RSRC1: variants seen among roughly 807,000 people sequenced by gnomAD.
The protein encoded by RSRC1 is arginine and serine rich coiled-coil 1.
Under a neutral mutation model 49.1 loss-of-function variants are expected in RSRC1, and 39 were observed. The ratio of observed to expected loss-of-function variants is 0.79; its 90% CI spans 0.61 to 1.04. The LOEUF is 1.04. Ranked by LOEUF, RSRC1 falls within the 50% of genes least tolerant of loss-of-function variation. The probability of loss-of-function intolerance (pLI) is 0.00; values close to 1 mark genes in which losing one functional copy is unlikely to be tolerated. For synonymous variants in RSRC1, 143 were observed against 130.8 expected (o/e 1.09, Z -0.63); for missense variants, 388 against 402.4 (o/e 0.96, Z 0.31).
At chr3:158,414,489 A>G (rs1361388533) in intron 6 of RSRC1, among the ~76,000 whole-genome samples, 1 of 152,074 alleles carries the variant, frequency 6.6e-6, no homozygotes, top group African/African-American at 2.4e-5. Flanking sequence ...CAGCAAACCC[A>G]CTGTGGCACA....
intron 4 of RSRC1, among the ~76,000 whole-genome samples, chr3:158,247,929 G>C (rs1322706442): frequency 6.6e-6 from 1 of 152,130 alleles, no homozygotes; most frequent in Admixed American, 6.5e-5. Context: ...AATCAGTACT[G>C]TTACACAAAC....
chr3:158,496,740 G>T, intron 7 of RSRC1: 1 of 290,540 alleles, frequency 3.4e-6, no homozygotes, highest in Non-Finnish European at 7.2e-6. Context: ...TCATGTTGGT[G>T]GTGGCCCTTT....
Position 158,544,469 on chromosome 3 carries a change from A to G in RSRC1, c.*194A>G, listed in dbSNP as rs1713217409. On this transcript the variant is annotated 3_prime_UTR_variant, in exon 10 of 10. Coordinates refer to ENST00000611884, the MANE Select transcript of RSRC1 (RefSeq NM_001271838.2). ...TAAATCAAACATTGTAAAAATTAAAACAAAATTTAAGATTGCATGAAAATG... is the reference window on the plus strand; with the variant it reads ...TAAATCAAACATTGTAAAAATTAAAGCAAAATTTAAGATTGCATGAAAATG... 2 of 381,472 alleles carry G rather than the reference A, an allele frequency of 5.2e-6. No homozygotes were observed. The highest frequency in any genetic ancestry group is 1.3e-4 in the South Asian group (2 of 15,484). 23.6% of individuals were successfully genotyped at this position (381,472 alleles called of 1,614,324 possible).
chr3:158,111,115 T>C (rs1013020796), intron 1 of RSRC1, among the ~76,000 whole-genome samples: 21 of 152,238 alleles, frequency 1.4e-4, no homozygotes, highest in Non-Finnish European at 7.3e-5. Flanking sequence ...TGAACTTAGA[T>C]GTATTATAAA....
At chr3:158,217,751 AGT>A (rs376564459) in intron 4 of RSRC1, among the ~76,000 whole-genome samples, 2 of 99,758 alleles carry the variant, frequency 2.0e-5, no homozygotes, top group Non-Finnish European at 2.1e-5. Context: ...ATTATGGTCC[AGT>A]GTGTGTGTGT....
At chr3:158,524,140 A>T (rs1317762421) in intron 7 of RSRC1, among the ~76,000 whole-genome samples, 1 of 152,072 alleles carries the variant, frequency 6.6e-6, no homozygotes, top group Non-Finnish European at 1.5e-5. Context: ...TCTGCAGCTC[A>T]TCTGGGCACA....
intron 5 of RSRC1, among the ~76,000 whole-genome samples, chr3:158,324,802 C>T (rs892065298): frequency 6.6e-6 from 1 of 152,170 alleles, no homozygotes; most frequent in Non-Finnish European, 1.5e-5. Flanking sequence ...CTTGAGGAAT[C>T]GCCACACTGT....
At chr3:158,515,132 T>A (rs1740440634) in intron 7 of RSRC1, among the ~76,000 whole-genome samples, 2 of 151,046 alleles carry the variant, frequency 1.3e-5, no homozygotes, top group Admixed American at 6.6e-5. Context: ...AAGTTAATAT[T>A]GTTATGTGTG....
chr3:158,400,648 A>T (rs1368557184), intron 6 of RSRC1, among the ~76,000 whole-genome samples: 1 of 152,138 alleles, frequency 6.6e-6, no homozygotes, highest in Non-Finnish European at 1.5e-5. Context: ...AAAGGTTAAC[A>T]CATAAAGAAA....
chr3:158,147,434 T>C (rs959159911), intron 3 of RSRC1, among the ~76,000 whole-genome samples: 1 of 152,014 alleles, frequency 6.6e-6, no homozygotes, highest in Non-Finnish European at 1.5e-5. Flanking sequence ...CATCAACTCA[T>C]GTTTTTGTAT....
chr3:158,494,633 C>T (rs1053917165), intron 7 of RSRC1, among the ~76,000 whole-genome samples: 2 of 152,070 alleles, frequency 1.3e-5, no homozygotes, highest in Admixed American at 6.6e-5. Context: ...AAATATTATA[C>T]ACTGTACAAA....
At chr3:158,353,352 A>C (rs1414584790) in intron 5 of RSRC1, among the ~76,000 whole-genome samples, 1 of 152,228 alleles carries the variant, frequency 6.6e-6, no homozygotes, top group African/African-American at 2.4e-5. Context: ...AGGGGTTGGC[A>C]CACTTTAAGG....
At chr3:158,394,891 G>A (rs971878351) in intron 6 of RSRC1, among the ~76,000 whole-genome samples, 1 of 152,054 alleles carries the variant, frequency 6.6e-6, no homozygotes, top group Non-Finnish European at 1.5e-5. Context: ...GCAATCCTAA[G>A]CAAAAAGAAC....
intron 5 of RSRC1, among the ~76,000 whole-genome samples, chr3:158,332,048 T>C (rs1009891660): frequency 2.3e-4 from 35 of 151,818 alleles, no homozygotes; most frequent in African/African-American, 7.2e-4. Context: ...AAAAGAGGAG[T>C]CACAAAGAGA....
chr3:158,156,105 A>C (rs1441090426), intron 3 of RSRC1, among the ~76,000 whole-genome samples: 1 of 152,184 alleles, frequency 6.6e-6, no homozygotes, highest in Non-Finnish European at 1.5e-5. Flanking sequence ...TAGCATAGCC[A>C]CCTTCATCAG....
intron 3 of RSRC1, among the ~76,000 whole-genome samples, chr3:158,136,166 C>A (rs930309441): frequency 8.5e-5 from 13 of 152,218 alleles, no homozygotes; most frequent in Non-Finnish European, 1.6e-4. Context: ...AGCTCTGAAT[C>A]AGCCTGAGTC....
At chr3:158,180,426 G>GTGTA (rs1316722019) in intron 3 of RSRC1, among the ~76,000 whole-genome samples, 1 of 118,754 alleles carries the variant, frequency 8.4e-6, no homozygotes, top group East Asian at 2.4e-4. Flanking sequence ...TGCCGTGTGT[G>GTGTA]TGTGTGTGTG....
In RSRC1 at chr3:158,518,148, A is replaced by ATATATTTTTTTTTTTT. The variant is rs1310027981; in HGVS notation, c.653-18943_653-18942insATATTTTTTTTTTTTT. ...TGTGTATATATATATATATATATATATTTTTTTTTTTTTTTTTTTTACTCC... is the reference window on the plus strand; with the variant it reads ...TGTGTATATATATATATATATATATATATATTTTTTTTTTTTTTTTTTTTTTTTTTTTTTTTACTCC... On this transcript the variant is annotated intron_variant, in intron 7 of 9. Coordinates refer to ENST00000611884, the MANE Select transcript of RSRC1 (RefSeq NM_001271838.2). Among the ~76,000 whole-genome samples, 2 of 44,138 alleles carry ATATATTTTTTTTTTTT rather than the reference A, an allele frequency of 4.5e-5. 1 individual carries two copies. The highest frequency in any genetic ancestry group is 3.1e-4 in the African/African-American group (2 of 6,504). 29.0% of individuals were successfully genotyped at this position (44,138 alleles called of 152,430 possible).
intron 6 of RSRC1, among the ~76,000 whole-genome samples, chr3:158,416,277 T>A (rs1434558592): frequency 6.6e-6 from 1 of 152,044 alleles, no homozygotes; most frequent in Non-Finnish European, 1.5e-5. Context: ...TCCCCAAAAT[T>A]CTTTGACACT....
Sources: gnomAD v4.1 joint callset for allele counts (sites outside exome capture counted in the v4.1 genomes callset) on GRCh38, gnomAD v4.1.1 for gene constraint, MANE v1.5 for transcripts, NCBI Gene and HGNC (gene_info 2026-07-23, HGNC 2026-07-21) for gene names.